Variants in TOGARAM1 observed in about 807,000 individuals in gnomAD.
TOGARAM1 encodes the protein TOG array regulator of axonemal microtubules protein 1.
A neutral mutation model predicts 166.6 loss-of-function variants in TOGARAM1; 100 were observed. The ratio of observed to expected loss-of-function variants is 0.60; its 90% confidence interval spans 0.51 to 0.71. TOGARAM1 has a LOEUF of 0.71. Among genes scored for constraint, TOGARAM1 ranks in the 30% least tolerant of loss-of-function variants. The pLI, the probability that TOGARAM1 is intolerant of heterozygous loss-of-function variation, is 0.00. For synonymous variants in TOGARAM1, 758 were observed against 763.8 expected, an observed-to-expected ratio of 0.99 and a Z score of 0.13; for missense variants, 2,029 against 2,102.7, an observed-to-expected ratio of 0.96 and a Z score of 0.69.
chr14:45,027,538 A>T lies in TOGARAM1; in HGVS notation c.3504+64A>T, dbSNP rs1880924350. 9 of 1,275,154 alleles carry T rather than the reference A, an allele frequency of 7.1e-6. No homozygotes were observed. The South Asian group carries it at 1.0e-4, about 15-fold the overall frequency. The allele number at this position is 1,275,154 out of a possible 1,614,324, so 79.0% of individuals were successfully genotyped here. A position where few individuals can be genotyped will look rare whatever the true frequency, so the allele number is the denominator to read the frequency against. The stretch of plus-strand genomic sequence containing the variant: ...TACAGTATGTCATTGTTTTGTGTAT[A>T]TCAGATGTGGGGTGGTGAAAGTATT... On this transcript the variant is annotated intron_variant, in intron 9 of 19. Coordinates refer to ENST00000361462, the MANE Select transcript of TOGARAM1 (RefSeq NM_001308120.2).
chr14:44,996,027 AAG>A, intron 2 of TOGARAM1, 125 bp downstream of exon 2: 10 of 650,382 alleles, frequency 1.5e-5, no homozygotes, highest in Non-Finnish European at 1.9e-5. Flanking sequence ...TTATTTATTG[AAG>A]ATCTGATAAG....
rs548235003 is a variant in TOGARAM1, at chr14:45,008,931, T to A, written c.2923T>A (p.Ser975Thr). 117 of 1,613,590 alleles carry A rather than the reference T, an allele frequency of 7.3e-5. 2 individuals carry two copies. The South Asian group carries it at 1.1e-3, about 15-fold the overall frequency. Residue 975 changes from serine (S) to threonine (T), a missense_variant, in exon 6 of 20, where the codon TCC (serine) becomes ACC (threonine). This residue lies in a region of TOGARAM1 where 1,453 missense variants were observed against 1,432.2 expected (regional missense o/e 1.01). Coordinates refer to ENST00000361462, the MANE Select transcript of TOGARAM1 (RefSeq NM_001308120.2). ...TTCTTAGATGCATAGCTCTCTTAGG[T>A]CCCTTCGTAATAGTGCAGCTAAGAA... is the stretch of plus-strand genomic sequence containing the variant. ...DQEEMHSSLR[S>T]LRNSAAKKRA...
chr14:45,011,998 G>A lies in TOGARAM1; in HGVS notation c.3161G>A (p.Gly1054Glu). 1 of 1,608,518 alleles carries A rather than the reference G, an allele frequency of 6.2e-7. No homozygotes were observed. The highest frequency in any genetic ancestry group is 8.5e-7 in the Non-Finnish European group (1 of 1,177,930). ...RIMSDIFPTFGSKPCPTRLSS... is the reference protein window; with the variant it reads ...RIMSDIFPTFESKPCPTRLSS... ...AGGTCAGACATATTTCCAACATTTG[G>A]GTCAAAACCTTGTCCAACAAGACTT... Residue 1054 changes from glycine (G) to glutamate (E), a missense_variant, in exon 7 of 20, where the codon GGG (glycine) becomes GAG (glutamate). By Grantham distance (98) the Gly-to-Glu change is moderately conservative. Transcript: ENST00000361462.
At position 45,071,732 on chromosome 14, in the gene TOGARAM1, C is replaced by T. The variant is rs1883392517; in HGVS notation, c.4990C>T (p.Pro1664Ser). ...TTTAGACAATTACTTACTTCTACAG[C>T]CATTTTGCACAAAAGCTCAGTTTTT... ...QHVDNYLLLQPFCTKAQFLNG... is the reference protein window; with the variant it reads ...QHVDNYLLLQSFCTKAQFLNG... Residue 1664 changes from proline to serine, a missense_variant, in exon 19 of 20, where the codon CCA becomes TCA. By Grantham distance (74) the Pro-to-Ser change is moderately conservative. Coordinates refer to ENST00000361462, the MANE Select transcript of TOGARAM1 (RefSeq NM_001308120.2). 6.2e-7 allele frequency: 1 copy of T among 1,611,504 alleles called. No homozygotes were observed. The highest frequency in any genetic ancestry group is 2.2e-5 in the East Asian group (1 of 44,792).
chr14:44,979,642 C>T (rs1011025479), intron 1 of TOGARAM1, among the ~76,000 whole-genome samples: 3 of 152,218 alleles, frequency 2.0e-5, no homozygotes, highest in Non-Finnish European at 2.9e-5. Context: ...CTTAAGGTCT[C>T]TTAGCTAGTG....
chr14:45,028,073 G>A (rs1393581173), intron 9 of TOGARAM1, 103 bp from the exon 10 acceptor site: 6 of 918,246 alleles, frequency 6.5e-6, no homozygotes, highest in African/African-American at 1.7e-5. Context: ...CACTTAAGTA[G>A]TGACAGACTA....
rs762853210 is a variant in TOGARAM1, at chr14:44,963,390, G to A, written c.969G>A (p.Leu323=). The A allele has an allele frequency of 3.7e-6, 6 of 1,614,154 alleles. No individual in the cohort carries two copies. The highest frequency in any genetic ancestry group is 5.1e-6 in the Non-Finnish European group (6 of 1,180,040). Residue 323 remains leucine (L), a synonymous_variant, in exon 1 of 20, where the codon TTG becomes TTA. Coordinates refer to ENST00000361462, the MANE Select transcript of TOGARAM1 (RefSeq NM_001308120.2). ...TTGGAAGTCAGGTTCCTTATTATTT[G>A]GAACTTGAAGCCTCTGGATTTCCTG... ...SQFGSQVPYY[L]ELEASGFPED...
chr14:45,038,672 A>G (rs1476528465), intron 11 of TOGARAM1, among the ~76,000 whole-genome samples: 1 of 152,218 alleles, frequency 6.6e-6, no homozygotes, highest in African/African-American at 2.4e-5. Context: ...GGTTCCCCAT[A>G]GGGCCACAGC....
At chr14:44,982,879 ATTAG>A (rs1364664054) in intron 1 of TOGARAM1, among the ~76,000 whole-genome samples, 6 of 152,098 alleles carry the variant, frequency 3.9e-5, no homozygotes, top group Admixed American at 2.0e-4. Context: ...TTTTTGTTTA[ATTAG>A]TTTTTGTTTT....
chr14:45,010,293 T>C (rs2138857088), intron 6 of TOGARAM1, among the ~76,000 whole-genome samples: 2 of 152,336 alleles, frequency 1.3e-5, no homozygotes, highest in East Asian at 3.9e-4. Context: ...GCAGCTTGTT[T>C]TGTACTTGGA....
chr14:45,035,702 C>A (rs1881389954), intron 11 of TOGARAM1, among the ~76,000 whole-genome samples: 1 of 152,024 alleles, frequency 6.6e-6, no homozygotes, highest in South Asian at 2.1e-4. Flanking sequence ...AAAGATCAGA[C>A]TACTCATCAA....
At chr14:44,981,465 A>G (rs1245132184) in intron 1 of TOGARAM1, among the ~76,000 whole-genome samples, 4 of 152,226 alleles carry the variant, frequency 2.6e-5, no homozygotes, top group African/African-American at 9.6e-5. Flanking sequence ...GGGAGTTTCA[A>G]GGAGTCATCA....
intron 1 of TOGARAM1, among the ~76,000 whole-genome samples, chr14:44,989,766 C>T (rs1388386123): frequency 6.6e-6 from 1 of 152,118 alleles, no homozygotes. Flanking sequence ...ACCTCAGTAC[C>T]AATAAACTAT....
chr14:45,048,483 A>G (rs745360698), intron 14 of TOGARAM1, among the ~76,000 whole-genome samples: 5 of 152,220 alleles, frequency 3.3e-5, no homozygotes, highest in Non-Finnish European at 7.3e-5. Context: ...TAATACAGAA[A>G]GTAAATATAT....
chr14:44,963,971 C>G lies in TOGARAM1; in HGVS notation c.1550C>G (p.Pro517Arg). 6.8e-6 allele frequency: 11 copies of G among 1,614,170 alleles called. No individual in the cohort carries two copies. The highest frequency in any genetic ancestry group is 9.3e-6 in the Non-Finnish European group (11 of 1,180,030). Residue 517 changes from proline (P) to arginine (R), a missense_variant, in exon 1 of 20, where the codon CCA becomes CGA. By Grantham distance (103) the Pro-to-Arg change is moderately radical. Around this residue, in one of 2 missense-constraint regions of TOGARAM1, gnomAD observed 1,453 missense variants for 1,432.2 expected, o/e 1.01. Transcript: ENST00000361462. ...CCCAAACTGTCCTTTGATCTTGCCC[C>G]AGCTCTTGTAGATAGCAAACGCAGG... Reference protein sequence around the residue: ...DLPKLSFDLAPALVDSKRRVR... With the variant: ...DLPKLSFDLARALVDSKRRVR...
intron 14 of TOGARAM1, among the ~76,000 whole-genome samples, chr14:45,048,048 T>C: frequency 8.4e-6 from 1 of 118,388 alleles, no homozygotes; most frequent in Admixed American, 9.6e-5. Context: ...AGAGCGAGAC[T>C]CCATCTCAAA....
At chr14:45,024,568 C>T (rs1215212646) in intron 7 of TOGARAM1, among the ~76,000 whole-genome samples, 1 of 152,110 alleles carries the variant, frequency 6.6e-6, no homozygotes, top group Admixed American at 6.5e-5. Context: ...TTTGTCTGAT[C>T]ATTCGTCTCT....
chr14:44,999,407 CA>C lies in TOGARAM1; in HGVS notation c.2250del (p.Gln750HisfsTer21). 2.5e-6 allele frequency: 4 copies of C among 1,610,486 alleles called. No homozygotes were observed. The highest frequency in any genetic ancestry group is 1.3e-5 in the African/African-American group (1 of 74,992). The part of the protein sequence containing the change: ...HQTNLSGKCA[Q>X]LGFSQICGKT... ...AACAAATCTTTCTGGGAAATGTGCA[CA>C]ACTTGGATTTTCACAAATATGTGGT... On this transcript the variant is annotated frameshift_variant, in exon 3 of 20. Transcript: ENST00000361462. LOFTEE classifies it high-confidence loss of function.
intron 1 of TOGARAM1, among the ~76,000 whole-genome samples, chr14:44,970,943 T>G (rs1393379640): frequency 6.6e-6 from 1 of 152,190 alleles, no homozygotes; most frequent in Non-Finnish European, 1.5e-5. Context: ...TTTACTAATA[T>G]TTTGTTGAGG....
Sources: gnomAD v4.1 joint callset for allele counts (sites outside exome capture counted in the v4.1 genomes callset) on GRCh38, gnomAD v4.1.1 for gene constraint, gnomAD v4.1.1 regional missense constraint, MANE v1.5 for transcripts, NCBI Gene and HGNC (gene_info 2026-07-23, HGNC 2026-07-21) for gene names.